The following DHRSX variants were observed in gnomAD, a reference collection of about 807,000 sequenced individuals.
The protein encoded by DHRSX is dehydrogenase/reductase X-linked.
DHRSX carries 31 observed loss-of-function variants against 34.0 expected under a neutral mutation model. That is an observed-to-expected ratio of 0.91 (90% CI 0.69 to 1.23). The LOEUF is 1.23. Ranked by LOEUF, DHRSX falls within the 50% of genes most tolerant of loss-of-function variation. DHRSX has a pLI of 0.00. For missense variants in DHRSX, 414 were observed against 428.1 expected (o/e 0.97, Z 0.29); for synonymous variants, 201 against 183.8 (o/e 1.09, Z -0.76).
At chrX:2,242,793 C>T (rs73628248) in intron 6 of DHRSX, among the ~76,000 whole-genome samples, 4,871 of 152,070 alleles carry the variant, frequency 0.032, 266 homozygotes, top group African/African-American at 0.11. Context: ...ATCAAGAAAT[C>T]ACCGTAAAAA....
intron 1 of DHRSX, among the ~76,000 whole-genome samples, chrX:2,457,674 GCATGTGGTTAAA>G (rs2044323429): frequency 6.7e-6 from 1 of 149,976 alleles, no homozygotes; most frequent in Non-Finnish European, 1.5e-5. Context: ...GTTCCCCTAA[GCATGTGGTTAAA>G]GGACTGCCGC....
chrX:2,341,866 G>A (rs986170769), intron 3 of DHRSX, among the ~76,000 whole-genome samples: 8 of 151,308 alleles, frequency 5.3e-5, no homozygotes, highest in Non-Finnish European at 1.2e-4. Context: ...GCGCAATGGC[G>A]TGATGTCAGC....
chrX:2,307,314 A>G (rs1039146673), intron 3 of DHRSX, among the ~76,000 whole-genome samples: 41 of 152,142 alleles, frequency 2.7e-4, no homozygotes, highest in African/African-American at 5.3e-4. Context: ...TTCCAAGAGC[A>G]GGGGAGGGAG....
At chrX:2,311,129 G>C (rs2042160498) in intron 3 of DHRSX, among the ~76,000 whole-genome samples, 1 of 151,604 alleles carries the variant, frequency 6.6e-6, no homozygotes, top group Non-Finnish European at 1.5e-5. Context: ...GAATAAGCGA[G>C]AGACAGAGAG....
chrX:2,349,163 A>G (rs1329806337), intron 3 of DHRSX, among the ~76,000 whole-genome samples: 3 of 152,184 alleles, frequency 2.0e-5, no homozygotes, highest in Non-Finnish European at 4.4e-5. Context: ...TATTTATCCA[A>G]AAGATAAATC....
At chrX:2,406,220 A>G (rs2043553451) in intron 3 of DHRSX, among the ~76,000 whole-genome samples, 1 of 151,640 alleles carries the variant, frequency 6.6e-6, no homozygotes, top group Non-Finnish European at 1.5e-5. Context: ...TGAACCTGGG[A>G]GCCGGAGGTT....
chrX:2,313,545 T>C (rs2042189565), intron 3 of DHRSX, among the ~76,000 whole-genome samples: 1 of 151,930 alleles, frequency 6.6e-6, no homozygotes, highest in Admixed American at 6.6e-5. Flanking sequence ...ATTTTTGTAT[T>C]TTTAGTAGAG....
chrX:2,244,311 C>CTCTCTG lies in DHRSX; in HGVS notation c.597-1082_597-1081insCAGAGA, dbSNP rs986202039. Among the ~76,000 whole-genome samples, 8 of 151,946 alleles carry CTCTCTG rather than the reference C, an allele frequency of 5.3e-5. No individual in the cohort carries two copies. The South Asian group carries it at 6.2e-4, about 12-fold the overall frequency. ...TAAAGTGAGTAACGTGCCTCTCTCT[C>CTCTCTG]TCTCTCTGGTAACCTCAATCACCAG... On this transcript the variant is annotated intron_variant, in intron 5 of 6. Transcript: ENST00000334651.
chrX:2,258,663 TC>T (rs1223565003), intron 5 of DHRSX, among the ~76,000 whole-genome samples: 2 of 152,136 alleles, frequency 1.3e-5, no homozygotes, highest in African/African-American at 4.8e-5. Context: ...AGCCACTAGG[TC>T]CGTGGTATTT....
At chrX:2,229,842 T>C (rs1483927737) in intron 6 of DHRSX, among the ~76,000 whole-genome samples, 1 of 152,016 alleles carries the variant, frequency 6.6e-6, no homozygotes, top group Non-Finnish European at 1.5e-5. Context: ...AATGTGTACT[T>C]GAGGGATGTG....
chrX:2,479,306 C>G (rs768766567), intron 1 of DHRSX, among the ~76,000 whole-genome samples: 114 of 146,688 alleles, frequency 7.8e-4, no homozygotes, highest in Non-Finnish European at 1.4e-3. Flanking sequence ...AAGGGACTCC[C>G]GCACTGTGCA....
rs781491276 is a variant in DHRSX at position 2,267,204 on chromosome X, G to A, written c.389-257C>T. 7.2e-5 allele frequency among the ~76,000 whole-genome samples: 11 copies of A among 152,282 alleles called. No individual in the cohort carries two copies. The South Asian group carries it at 1.5e-3, about 20-fold the overall frequency. On this transcript the variant is annotated intron_variant, in intron 4 of 6. Transcript: ENST00000334651. ...AGTTTAAAAATAATAACCACAGGCC[G>A]GGCGCGGTGGCTCACGCCTGTCATC...
intron 3 of DHRSX, among the ~76,000 whole-genome samples, chrX:2,299,603 C>T (rs2041987074): frequency 6.6e-6 from 1 of 152,076 alleles, no homozygotes; most frequent in Non-Finnish European, 1.5e-5. Flanking sequence ...GCCTATAACC[C>T]CAGCACTTTG....
intron 6 of DHRSX, among the ~76,000 whole-genome samples, chrX:2,241,675 G>A (rs1464757594): frequency 2.6e-5 from 4 of 152,080 alleles, no homozygotes; most frequent in South Asian, 2.1e-4. Flanking sequence ...TTGGGAGCCC[G>A]AGGCGGGTGG....
At chrX:2,490,799 A>G (rs1421809269) in intron 1 of DHRSX, 1 of 1,542,730 alleles carries the variant, frequency 6.5e-7, no homozygotes, top group Non-Finnish European at 8.7e-7. Context: ...CAAACACAGC[A>G]TGAGAAGGGA....
chrX:2,246,541 T>C (rs991021301), intron 5 of DHRSX, among the ~76,000 whole-genome samples: 4 of 151,802 alleles, frequency 2.6e-5, no homozygotes, highest in African/African-American at 9.7e-5. Context: ...GAGAATCACT[T>C]GAACCCGGGA....
At chrX:2,401,541 G>T (rs2043485826) in intron 3 of DHRSX, among the ~76,000 whole-genome samples, 2 of 152,146 alleles carry the variant, frequency 1.3e-5, no homozygotes, top group African/African-American at 4.8e-5. Context: ...TTAGGATTTA[G>T]GATTACAGGG....
intron 1 of DHRSX, among the ~76,000 whole-genome samples, chrX:2,426,012 C>G (rs760959533): frequency 9.2e-5 from 14 of 152,066 alleles, no homozygotes; most frequent in African/African-American, 3.1e-4. Context: ...TGGAGAGTGA[C>G]GTGGAATATG....
At chrX:2,373,175 A>G (rs2043100235) in intron 3 of DHRSX, among the ~76,000 whole-genome samples, 1 of 152,138 alleles carries the variant, frequency 6.6e-6, no homozygotes, top group Non-Finnish European at 1.5e-5. Flanking sequence ...GAACACACTC[A>G]CTACCACGAG....
Sources: allele counts gnomAD v4.1 joint callset (sites outside exome capture counted in the v4.1 genomes callset), GRCh38; gene constraint gnomAD v4.1.1; transcripts MANE v1.5; gene names NCBI Gene and HGNC (gene_info 2026-07-23, HGNC 2026-07-21).